EYS: variants seen among roughly 807,000 people sequenced by gnomAD.
The protein encoded by EYS is protein eyes shut homolog.
Under a neutral mutation model 282.1 loss-of-function variants are expected in EYS, and 250 were observed. The ratio of observed to expected loss-of-function variants is 0.89; its 90% CI spans 0.80 to 0.98. The LOEUF (loss-of-function observed/expected upper bound fraction) is 0.98, where lower values mean the gene tolerates loss of function less well. EYS is among the 50% of genes least tolerant of loss of function. EYS has a pLI of 0.00. For synonymous variants in EYS, 1,355 were observed against 1,282.9 expected, an observed-to-expected ratio of 1.06 and a Z score of -1.20; for missense variants, 4,016 against 3,709.0, an observed-to-expected ratio of 1.08 and a Z score of -2.15.
chr6:65,474,957 G>A (rs1765344068), intron 5 of EYS, among the ~76,000 whole-genome samples: 1 of 151,940 alleles, frequency 6.6e-6, no homozygotes, highest in Non-Finnish European at 1.5e-5. Flanking sequence ...TTTGGCTGAG[G>A]ATAAGAAGAA....
chr6:64,364,754 G>T (rs771755485), intron 29 of EYS, among the ~76,000 whole-genome samples: 2 of 151,724 alleles, frequency 1.3e-5, no homozygotes, highest in Non-Finnish European at 1.5e-5. Flanking sequence ...TTTAAAAGGT[G>T]GGTGGGTGGG....
At chr6:64,573,481 G>A (rs1474005149) in intron 26 of EYS, among the ~76,000 whole-genome samples, 1 of 152,146 alleles carries the variant, frequency 6.6e-6, no homozygotes, top group African/African-American at 2.4e-5. Context: ...TATCATCAGA[G>A]TGAACAGGTA....
intron 12 of EYS, among the ~76,000 whole-genome samples, chr6:65,078,467 A>G (rs1160402822): frequency 1.3e-5 from 2 of 152,100 alleles, no homozygotes; most frequent in South Asian, 4.1e-4. Flanking sequence ...TTTTTAAATT[A>G]TTCCTTTAAA....
chr6:65,026,383 TAAA>T (rs1309167196), intron 13 of EYS, among the ~76,000 whole-genome samples: 2 of 151,776 alleles, frequency 1.3e-5, no homozygotes, highest in Admixed American at 1.3e-4. Flanking sequence ...AACAGAAGCA[TAAA>T]AGTAATAGGA....
At chr6:64,441,344 T>G (rs1582756368) in intron 26 of EYS, among the ~76,000 whole-genome samples, 1 of 152,228 alleles carries the variant, frequency 6.6e-6, no homozygotes, top group Non-Finnish European at 1.5e-5. Flanking sequence ...ACTCAGGGGA[T>G]GTCAAAACTG....
At chr6:64,203,834 T>G (rs936230689) in intron 31 of EYS, among the ~76,000 whole-genome samples, 2 of 152,182 alleles carry the variant, frequency 1.3e-5, no homozygotes, top group African/African-American at 4.8e-5. Context: ...ATGAGTAAAT[T>G]TATGTACGAA....
chr6:63,992,236 AATTT>A (rs1287324498), intron 34 of EYS, among the ~76,000 whole-genome samples: 1 of 151,680 alleles, frequency 6.6e-6, no homozygotes, highest in Non-Finnish European at 1.5e-5. Context: ...TAAATTTTGG[AATTT>A]ATTTATTTTC....
intron 12 of EYS, among the ~76,000 whole-genome samples, chr6:65,083,773 G>A (rs2150173017): frequency 6.6e-6 from 1 of 151,638 alleles, no homozygotes; most frequent in East Asian, 1.9e-4. Flanking sequence ...TTCTATTAGA[G>A]TTTTAATTAA....
intron 12 of EYS, among the ~76,000 whole-genome samples, chr6:65,224,716 G>A (rs1766573591): frequency 2.0e-5 from 3 of 152,058 alleles, no homozygotes; most frequent in Admixed American, 2.0e-4. Context: ...AATTGCAGAT[G>A]GGGACATTAC....
chr6:65,182,776 A>G (rs1765422936), intron 12 of EYS, among the ~76,000 whole-genome samples: 1 of 151,692 alleles, frequency 6.6e-6, no homozygotes, highest in Non-Finnish European at 1.5e-5. Context: ...GTTACTCATC[A>G]TTCTGGGTTT....
intron 5 of EYS, among the ~76,000 whole-genome samples, chr6:65,410,075 A>C (rs1014647275): frequency 6.6e-6 from 1 of 152,078 alleles, no homozygotes; most frequent in South Asian, 2.1e-4. Flanking sequence ...ATTTGATTAG[A>C]TGTTTAGTGG....
intron 37 of EYS, among the ~76,000 whole-genome samples, chr6:63,804,728 A>C (rs1376586017): frequency 1.3e-5 from 2 of 152,230 alleles, no homozygotes; most frequent in Non-Finnish European, 2.9e-5. Context: ...TTTGGATTGC[A>C]TTCTAAGTGC....
At chr6:65,652,311 A>G (rs1455282277) in intron 1 of EYS, among the ~76,000 whole-genome samples, 2 of 152,084 alleles carry the variant, frequency 1.3e-5, no homozygotes, top group African/African-American at 2.4e-5. Context: ...GTAATTTTGT[A>G]GTTGACTTTG....
chr6:63,780,348 G>C (rs1160331300), intron 39 of EYS, among the ~76,000 whole-genome samples: 2 of 152,152 alleles, frequency 1.3e-5, no homozygotes, highest in African/African-American at 4.8e-5. Flanking sequence ...GGTTGAACTA[G>C]TTTACAGTAC....
chr6:64,482,078 A>C (rs1351315067), intron 26 of EYS, among the ~76,000 whole-genome samples: 1 of 151,758 alleles, frequency 6.6e-6, no homozygotes, highest in Non-Finnish European at 1.5e-5. Flanking sequence ...ATTTATCCTG[A>C]GGTTAACTCA....
At chr6:63,844,728 T>C (rs1032260599) in intron 36 of EYS, among the ~76,000 whole-genome samples, 1 of 152,176 alleles carries the variant, frequency 6.6e-6, no homozygotes, top group Non-Finnish European at 1.5e-5. Flanking sequence ...CTTGTAAATT[T>C]GTTTAAGTTC....
intron 26 of EYS, among the ~76,000 whole-genome samples, chr6:64,575,384 A>G (rs1166889759): frequency 6.6e-6 from 1 of 152,172 alleles, no homozygotes; most frequent in Non-Finnish European, 1.5e-5. Context: ...AATTGAAAAC[A>G]TAGAAAGGAG....
chr6:64,766,873 A>C (rs958171118), intron 22 of EYS, among the ~76,000 whole-genome samples: 32 of 151,232 alleles, frequency 2.1e-4, no homozygotes, highest in Non-Finnish European at 4.6e-4. Flanking sequence ...AAGGATGCTA[A>C]GGAGAGCAAA....
intron 12 of EYS, among the ~76,000 whole-genome samples, chr6:65,167,617 T>C (rs1765005411): frequency 6.6e-6 from 1 of 151,256 alleles, no homozygotes; most frequent in Non-Finnish European, 1.5e-5. Context: ...GGAATAAAGA[T>C]AGATAATTTC....
Sources: allele counts gnomAD v4.1 joint callset (sites outside exome capture counted in the v4.1 genomes callset), GRCh38; gene constraint gnomAD v4.1.1; transcripts MANE v1.5; gene names NCBI Gene and HGNC (gene_info 2026-07-23, HGNC 2026-07-21).